The following OBP2B variants were observed in gnomAD, a reference collection of about 807,000 sequenced individuals.
The protein encoded by OBP2B is odorant binding protein 2B.
Under a neutral mutation model 21.7 loss-of-function variants are expected in OBP2B, and 10 were observed. That is an observed-to-expected ratio of 0.46 (90% CI 0.28 to 0.78). The LOEUF (loss-of-function observed/expected upper bound fraction) is 0.78. Ranked by LOEUF, OBP2B falls within the 30% of genes least tolerant of loss-of-function variation. The pLI is 0.11. For missense variants in OBP2B, 153 were observed against 217.7 expected (o/e 0.70, Z 1.87); for synonymous variants, 73 against 91.5 (o/e 0.80, Z 1.16).
At position 133,207,915 on chromosome 9, in the gene OBP2B, G is replaced by A. The variant is rs782084975; in HGVS notation, c.277+218C>T. 3.5e-5 allele frequency: 53 copies of A among 1,530,738 alleles called. 1 individual carries two copies. The South Asian group carries it at 3.6e-4, about 10-fold the overall frequency. 94.8% of individuals were successfully genotyped at this position (1,530,738 alleles called of 1,614,324 possible). On this transcript the variant is annotated intron_variant, in intron 3 of 6. Coordinates refer to ENST00000372034, the MANE Select transcript of OBP2B (RefSeq NM_014581.4). ...GGCTAGGGCCTCCCAGAGGGCAGGC[G>A]TGATCTGGTCCATCTCGACTGCGGA...
rs868951262 is a variant in OBP2B at position 133,209,017 on chromosome 9, C to T, written c.72+111G>A. On this transcript the variant is annotated intron_variant, in intron 1 of 6. Transcript: ENST00000372034. The surrounding 1 kb of genome is among the most constrained non-coding windows in gnomAD (Gnocchi z 6.0). ...CCACCACCACCCCAGGCTGGGAGCA[C>T]GGGGTCAGAAGCCAGCCTTCAGTGA... is the stretch of plus-strand genomic sequence containing the variant. 1.1e-4 allele frequency: 108 copies of T among 995,050 alleles called. No homozygotes were observed. Among genetic ancestry groups the T allele is most frequent in the Middle Eastern group, 3.4e-4 (1 of 2,910 alleles). 61.6% of individuals were successfully genotyped at this position (995,050 alleles called of 1,614,324 possible). A position where few individuals can be genotyped will look rare whatever the true frequency, so the allele number is the denominator to read the frequency against.
the OBP2B span, among the ~76,000 whole-genome samples, chr9:133,221,533 A>T: frequency 6.6e-6 from 1 of 152,204 alleles, no homozygotes; most frequent in Non-Finnish European, 1.5e-5. Flanking sequence ...TTGGGAAGCC[A>T]ACTGGCTGCT....
chr9:133,206,772 G>A (rs1833728649), intron 4 of OBP2B, among the ~76,000 whole-genome samples: 1 of 151,894 alleles, frequency 6.6e-6, no homozygotes, highest in Non-Finnish European at 1.5e-5. Context: ...CCCCAGGAAG[G>A]GGGACAGTGG....
intron 6 of OBP2B, 100 bp from the exon 7 acceptor site, chr9:133,205,511 A>C (rs1564284028): frequency 1.2e-6 from 1 of 819,566 alleles, no homozygotes; most frequent in Non-Finnish European, 1.9e-6. Context: ...CACATCGGCC[A>C]CTGCTGGGCA....
the OBP2B span, among the ~76,000 whole-genome samples, chr9:133,217,392 C>T: frequency 3.3e-5 from 5 of 152,252 alleles, no homozygotes; most frequent in Non-Finnish European, 2.9e-5. Flanking sequence ...TTCTCTTGTG[C>T]ACCTGGTGCA....
At chr9:133,216,617 A>T in the OBP2B span, among the ~76,000 whole-genome samples, 6 of 152,212 alleles carry the variant, frequency 3.9e-5, no homozygotes. Context: ...AAACACAGAC[A>T]TCCTCCAACA....
At chr9:133,214,079 C>A (rs1236178909), upstream of OBP2B, among the ~76,000 whole-genome samples, 1 of 152,164 alleles carries the variant, frequency 6.6e-6, no homozygotes, top group African/African-American at 2.4e-5. Context: ...ACTCAAAAAT[C>A]AACCATATTA....
upstream of OBP2B, among the ~76,000 whole-genome samples, chr9:133,211,492 A>C (rs1833916584): frequency 6.6e-6 from 1 of 152,222 alleles, no homozygotes; most frequent in Non-Finnish European, 1.5e-5. Context: ...TCCCACCTTA[A>C]GTGCCTGCAC....
At chr9:133,206,181 G>GAGGA in intron 5 of OBP2B, 134 bp downstream of exon 5, 1 of 1,169,594 alleles carries the variant, frequency 8.5e-7, no homozygotes, top group Admixed American at 1.8e-5. Flanking sequence ...AACAGGGCCC[G>GAGGA]GGAGCCCCTG....
At chr9:133,222,914 A>C in the OBP2B span, among the ~76,000 whole-genome samples, 1 of 149,796 alleles carries the variant, frequency 6.7e-6, no homozygotes, top group African/African-American at 2.5e-5. Context: ...CGGAGCCCCC[A>C]CTCCCTCCCG....
chr9:133,208,917 G>C (rs1437270239), intron 1 of OBP2B, among the ~76,000 whole-genome samples: 1 of 152,044 alleles, frequency 6.6e-6, no homozygotes, highest in East Asian at 1.9e-4. Context: ...CAGTGCAGCA[G>C]GAACCCCTGA....
At position 133,206,328 on chromosome 9, in the gene OBP2B, C is replaced by T. The variant is rs781806011; in HGVS notation, c.477G>A (p.Thr159=). Residue 159 remains threonine (T), a synonymous_variant, in exon 5 of 7, where the codon ACG becomes ACA. Coordinates refer to ENST00000372034, the MANE Select transcript of OBP2B (RefSeq NM_014581.4). ...AGCCATCCTCACCCGTCTGCAGGGG[C>T]GTGAAAATGTCCTCCTCCGAGAGTC... ...RKGLSEEDIF[T]PLQTGSCVPE... is the part of the protein sequence containing the mutation. The T allele has an allele frequency of 6.2e-6, 10 of 1,613,850 alleles. No homozygotes were observed. The highest frequency in any genetic ancestry group is 5.5e-5 in the South Asian group (5 of 91,078).
At chr9:133,213,440 A>C (rs1347576404), upstream of OBP2B, among the ~76,000 whole-genome samples, 1 of 152,216 alleles carries the variant, frequency 6.6e-6, no homozygotes, top group Non-Finnish European at 1.5e-5. Flanking sequence ...GCAATTAATA[A>C]ATCAAAAGCA....
intron 3 of OBP2B, 66 bp from the exon 4 acceptor site, chr9:133,207,402 C>T (rs563888356): frequency 2.2e-5 from 25 of 1,131,592 alleles, no homozygotes; most frequent in African/African-American, 4.6e-5. Flanking sequence ...AAGAAACACT[C>T]GGGAATGTTT....
intron 3 of OBP2B, 96 bp downstream of exon 3, chr9:133,208,037 G>C (rs1833795300): frequency 6.7e-7 from 1 of 1,498,364 alleles, no homozygotes; most frequent in Admixed American, 2.0e-5. Flanking sequence ...TGGGGCCCTG[G>C]CAAAAGGGCA....
At chr9:133,222,437 T>C in the OBP2B span, among the ~76,000 whole-genome samples, 85 of 152,192 alleles carry the variant, frequency 5.6e-4, no homozygotes, top group African/African-American at 1.7e-3. Context: ...TGCAGAAGTG[T>C]ATTTCTCAGG....
At chr9:133,205,811 G>A (rs1223872668) in intron 6 of OBP2B, 106 bp downstream of exon 6, 10 of 1,563,004 alleles carry the variant, frequency 6.4e-6, no homozygotes, top group Non-Finnish European at 7.9e-6. Flanking sequence ...CCCTGGGGGG[G>A]TCTCCCTGGC....
upstream of OBP2B, among the ~76,000 whole-genome samples, chr9:133,212,141 CAT>C (rs1427287798): frequency 3.9e-5 from 6 of 152,182 alleles, 1 homozygote; most frequent in African/African-American, 1.4e-4. Context: ...GCAAAGAAGA[CAT>C]AGTAATCCTA....
At chr9:133,209,438 A>G (rs1833863195), upstream of OBP2B, among the ~76,000 whole-genome samples, 1 of 152,132 alleles carries the variant, frequency 6.6e-6, no homozygotes, top group Non-Finnish European at 1.5e-5. The surrounding 1 kb of genome is among the most constrained non-coding windows in gnomAD (Gnocchi z 6.0). Context: ...ACACGATGCC[A>G]TCCAGAGTTT....
Sources: gnomAD v4.1 joint callset for allele counts (sites outside exome capture counted in the v4.1 genomes callset) on GRCh38, gnomAD v4.1.1 for gene constraint, Gnocchi (gnomAD v3.1) non-coding constraint, MANE v1.5 for transcripts, NCBI Gene and HGNC (gene_info 2026-07-23, HGNC 2026-07-21) for gene names.